SGCD: variants seen among roughly 807,000 people sequenced by gnomAD.
SGCD encodes delta-sarcoglycan.
Under a neutral mutation model 36.6 loss-of-function variants are expected in SGCD, and 18 were observed. The ratio of observed to expected loss-of-function variants is 0.49; its 90% CI spans 0.34 to 0.73. The LOEUF (loss-of-function observed/expected upper bound fraction) is 0.73. SGCD is among the 30% of genes least tolerant of loss of function. The pLI is 0.01. For synonymous variants in SGCD, 133 were observed against 130.6 expected (o/e 1.02, Z -0.12); for missense variants, 387 against 346.7 (o/e 1.12, Z -0.92).
At chr5:156,319,628 G>A (rs999351093) in intron 3 of SGCD, among the ~76,000 whole-genome samples, 1 of 152,178 alleles carries the variant, frequency 6.6e-6, no homozygotes, top group Non-Finnish European at 1.5e-5. Flanking sequence ...GAGTGAAGAG[G>A]TGATACAGTG....
intron 3 of SGCD, among the ~76,000 whole-genome samples, chr5:156,181,213 A>C (rs1763597645): frequency 6.6e-6 from 1 of 152,130 alleles, no homozygotes; most frequent in Admixed American, 6.5e-5. Context: ...TCTGCACCCC[A>C]AAAATAGCAT....
chr5:156,228,915 G>A (rs1481157374), intron 3 of SGCD, among the ~76,000 whole-genome samples: 1 of 146,318 alleles, frequency 6.8e-6, no homozygotes. Flanking sequence ...GTATCTGTGA[G>A]GGTGCTGCCA....
intron 1 of SGCD, among the ~76,000 whole-genome samples, chr5:156,046,564 G>A (rs549453805): frequency 6.6e-6 from 1 of 152,146 alleles, no homozygotes; most frequent in East Asian, 1.9e-4. Flanking sequence ...TATTTTACCT[G>A]TTATGGCAAT....
intron 3 of SGCD, among the ~76,000 whole-genome samples, chr5:156,456,510 G>C (rs906976246): frequency 7.9e-5 from 12 of 152,200 alleles, no homozygotes; most frequent in African/African-American, 2.7e-4. Flanking sequence ...AGTAAAACTT[G>C]TAAGCTATGA....
At chr5:156,072,642 G>A (rs1760617407) in intron 1 of SGCD, among the ~76,000 whole-genome samples, 1 of 152,068 alleles carries the variant, frequency 6.6e-6, no homozygotes. Flanking sequence ...TATCTTTGTG[G>A]TGTTCTCTGT....
At chr5:155,795,564 A>T in the SGCD span, among the ~76,000 whole-genome samples, 1 of 152,186 alleles carries the variant, frequency 6.6e-6, no homozygotes, top group Non-Finnish European at 1.5e-5. Context: ...AATAGAAAAC[A>T]TTTTATTAAT....
the SGCD span, among the ~76,000 whole-genome samples, chr5:155,813,104 T>C: frequency 6.6e-6 from 1 of 151,708 alleles, no homozygotes; most frequent in East Asian, 1.9e-4. Flanking sequence ...TGTCATTGCA[T>C]CTAGTAAGCA....
chr5:155,862,688 C>T, the SGCD span, among the ~76,000 whole-genome samples: 1 of 152,180 alleles, frequency 6.6e-6, no homozygotes, highest in African/African-American at 2.4e-5. Context: ...CCTTCATGTA[C>T]TTGCCTTATC....
At chr5:155,917,665 G>A (rs145954638) in intron 1 of SGCD, among the ~76,000 whole-genome samples, 61 of 152,186 alleles carry the variant, frequency 4.0e-4, no homozygotes, top group African/African-American at 1.3e-3. Flanking sequence ...ATACCAAGAC[G>A]TCAGGCAGAA....
At chr5:155,793,898 T>C in the SGCD span, among the ~76,000 whole-genome samples, 1 of 151,106 alleles carries the variant, frequency 6.6e-6, no homozygotes, top group South Asian at 2.1e-4. Context: ...TTTGCCTGTT[T>C]TCCCCTCAAC....
chr5:156,256,173 C>A (rs1191507413), intron 3 of SGCD, among the ~76,000 whole-genome samples: 3 of 133,248 alleles, frequency 2.3e-5, no homozygotes, highest in South Asian at 2.7e-4. Context: ...AGTCTATATT[C>A]TTTTCTTGTT....
intron 3 of SGCD, among the ~76,000 whole-genome samples, chr5:156,410,891 G>T (rs1186751874): frequency 6.6e-6 from 1 of 151,058 alleles, no homozygotes; most frequent in Non-Finnish European, 1.5e-5. Flanking sequence ...CTTCTCCCTG[G>T]ACAAGATCAA....
chr5:156,745,317 A>T (rs1756894589), intron 7 of SGCD, among the ~76,000 whole-genome samples: 1 of 152,166 alleles, frequency 6.6e-6, no homozygotes, highest in South Asian at 2.1e-4. Flanking sequence ...CCACTTGATA[A>T]CTTCAAACTG....
At chr5:156,289,918 A>C (rs562081654) in intron 3 of SGCD, among the ~76,000 whole-genome samples, 1 of 152,244 alleles carries the variant, frequency 6.6e-6, no homozygotes, top group South Asian at 2.1e-4. Context: ...ATAGGTAATA[A>C]TACTGAATTA....
At chr5:156,642,120 G>A (rs1042979878) in intron 6 of SGCD, among the ~76,000 whole-genome samples, 6 of 152,166 alleles carry the variant, frequency 3.9e-5, no homozygotes, top group African/African-American at 1.2e-4. Flanking sequence ...TGGAGAAAGA[G>A]CACTAGTCTT....
the SGCD span, among the ~76,000 whole-genome samples, chr5:155,762,265 C>T: frequency 6.6e-6 from 1 of 152,156 alleles, no homozygotes; most frequent in South Asian, 2.1e-4. Flanking sequence ...CATGTTCAGA[C>T]AAATCACAAT....
At chr5:155,916,338 G>A (rs890282615) in intron 1 of SGCD, among the ~76,000 whole-genome samples, 8 of 152,092 alleles carry the variant, frequency 5.3e-5, no homozygotes, top group Non-Finnish European at 7.4e-5. Flanking sequence ...TTCTGCTTAC[G>A]TTTTAGTGGA....
chr5:155,753,687 C>T, the SGCD span, among the ~76,000 whole-genome samples: 1 of 152,176 alleles, frequency 6.6e-6, no homozygotes, highest in African/African-American at 2.4e-5. Context: ...CTCCCATTTC[C>T]TAGTAGCCTG....
At chr5:155,840,541 G>A in the SGCD span, among the ~76,000 whole-genome samples, 3 of 149,138 alleles carry the variant, frequency 2.0e-5, no homozygotes, top group African/African-American at 7.4e-5. Context: ...TGCCTGCCTC[G>A]GCCTCCCAAA....
Sources: gnomAD v4.1 joint callset for allele counts (sites outside exome capture counted in the v4.1 genomes callset) on GRCh38, gnomAD v4.1.1 for gene constraint, MANE v1.5 for transcripts, NCBI Gene and HGNC (gene_info 2026-07-23, HGNC 2026-07-21) for gene names.